Variants in PCDHGC4 observed in about 807,000 individuals in gnomAD.
PCDHGC4 encodes protocadherin gamma subfamily C, 4.
PCDHGC4 carries 15 observed loss-of-function variants against 59.7 expected under a neutral mutation model. The observed-to-expected ratio is 0.25, with a 90% CI of 0.17 to 0.39. The LOEUF is 0.39. Among genes scored for constraint, PCDHGC4 ranks in the 10% least tolerant of loss-of-function variants. The pLI, the probability that PCDHGC4 is intolerant of heterozygous loss-of-function variation, is 1.00. For missense variants in PCDHGC4, 1,016 were observed against 1,189.5 expected, an observed-to-expected ratio of 0.85 and a Z score of 2.15; for synonymous variants, 434 against 481.4, an observed-to-expected ratio of 0.90 and a Z score of 1.29.
intron 3 of PCDHGC4, among the ~76,000 whole-genome samples, chr5:141,505,868 G>T (rs2099848820): frequency 6.6e-6 from 1 of 152,170 alleles, no homozygotes; most frequent in Admixed American, 6.5e-5. Context: ...GGACCCCAAA[G>T]GGTTGTTGTA....
chr5:141,493,141 C>T lies in PCDHGC4; in HGVS notation c.2443-1666C>T, dbSNP rs1327581425. On this transcript the variant is annotated intron_variant, in intron 1 of 3. Coordinates refer to ENST00000306593, the MANE Select transcript of PCDHGC4 (RefSeq NM_018928.3). This position sits in a 1 kb window ranked among gnomAD's most constrained non-coding sequence, Gnocchi z 4.3. ...CTCCTAGGACTGTATTTTGAAACAC[C>T]CCCAGGTGATTTTGATAGCTGATTG... Among the ~76,000 whole-genome samples the T allele has an allele frequency of 1.4e-5, 2 of 146,284 alleles. No homozygotes were observed. Among genetic ancestry groups the T allele is most frequent in the East Asian group, 2.0e-4 (1 of 5,022 alleles).
At chr5:141,496,734 G>A (rs527288196) in intron 2 of PCDHGC4, among the ~76,000 whole-genome samples, 4 of 152,066 alleles carry the variant, frequency 2.6e-5, no homozygotes, top group Non-Finnish European at 4.4e-5. Flanking sequence ...GTATTCATTC[G>A]TTCATTTATT....
In PCDHGC4 at chr5:141,489,948, T is replaced by C; in HGVS notation, c.2442+2333T>C. 2 of 1,614,210 alleles carry C rather than the reference T, an allele frequency of 1.2e-6. No individual in the cohort carries two copies. Among genetic ancestry groups the C allele is most frequent in the Non-Finnish European group, 1.7e-6 (2 of 1,180,030 alleles). On this transcript the variant is annotated intron_variant, in intron 1 of 3. Coordinates refer to ENST00000306593, the MANE Select transcript of PCDHGC4 (RefSeq NM_018928.3). The surrounding 1 kb of genome is among the most constrained non-coding windows in gnomAD (Gnocchi z 4.5). ...TCTCTGTCATCGTGCTGGACATCAA[T>C]GATAATGCTCCAACCTTCCAATCCT...
At position 141,512,523 on chromosome 5, in the gene PCDHGC4, T is replaced by A. The variant is rs1222752176; in HGVS notation, c.*1350T>A. 6.5e-6 allele frequency: 1 copy of A among 152,848 alleles called. No homozygotes were observed. The highest frequency in any genetic ancestry group is 1.5e-5 in the Non-Finnish European group (1 of 68,240). 9.5% of individuals were successfully genotyped at this position (152,848 alleles called of 1,614,324 possible). A position where few individuals can be genotyped will look rare whatever the true frequency, so the allele number is the denominator to read the frequency against. The stretch of plus-strand genomic sequence containing the variant: ...AGTGCGCCCCCTAGTGGCCATAGCC[T>A]GGTTAAAGTTCCCCAGTGCCTCCTT... On this transcript the variant is annotated 3_prime_UTR_variant, in exon 4 of 4. Transcript: ENST00000306593.
Position 141,491,340 on chromosome 5 carries a change from C to T in PCDHGC4, c.2443-3467C>T, listed in dbSNP as rs772328241. The T allele has an allele frequency of 3.7e-6, 6 of 1,614,144 alleles. No individual in the cohort carries two copies. The Admixed American group carries it at 6.7e-5, about 18-fold the overall frequency. ...TTTACCTCATTGTGGCTCTAGCGAC[C>T]GTCAGTCTCTTATCCCTAGTCACCT... On this transcript the variant is annotated intron_variant, in intron 1 of 3. Transcript: ENST00000306593. This position sits in a 1 kb window ranked among gnomAD's most constrained non-coding sequence, Gnocchi z 6.9.
At position 141,491,752 on chromosome 5, in the gene PCDHGC4, G is replaced by C. The variant is rs1464731659; in HGVS notation, c.2443-3055G>C. 6 of 1,586,646 alleles carry C rather than the reference G, an allele frequency of 3.8e-6. No homozygotes were observed. The African/African-American group carries it at 8.1e-5, about 21-fold the overall frequency. On this transcript the variant is annotated intron_variant, in intron 1 of 3. Transcript: ENST00000306593. The surrounding 1 kb of genome is among the most constrained non-coding windows in gnomAD (Gnocchi z 6.9). ...GACCCCTGGGGGCGGCACTGGAGAA[G>C]CCGCCCGTCCTCATAAGGGATTGAA...
intron 3 of PCDHGC4, among the ~76,000 whole-genome samples, chr5:141,510,147 C>T (rs1416633745): frequency 1.3e-5 from 2 of 151,984 alleles, no homozygotes; most frequent in Non-Finnish European, 2.9e-5. Flanking sequence ...GTGGTGTGCA[C>T]CTGTAATCTC....
chr5:141,491,022 C>T lies in PCDHGC4; in HGVS notation c.2442+3407C>T, dbSNP rs1431293281. 6.8e-6 allele frequency: 11 copies of T among 1,614,116 alleles called. No homozygotes were observed. Among genetic ancestry groups the T allele is most frequent in the East Asian group, 2.2e-5 (1 of 44,886 alleles). On this transcript the variant is annotated intron_variant, in intron 1 of 3. Coordinates refer to ENST00000306593, the MANE Select transcript of PCDHGC4 (RefSeq NM_018928.3). The surrounding 1 kb of genome is among the most constrained non-coding windows in gnomAD (Gnocchi z 6.9). ...GCTCCTTGGTCACCAAGGTGACAGCCGTGGATGCTGATGCAGGCCACAATG... is the reference window on the plus strand; with the variant it reads ...GCTCCTTGGTCACCAAGGTGACAGCTGTGGATGCTGATGCAGGCCACAATG...
At position 141,487,937 on chromosome 5, in the gene PCDHGC4, T is replaced by G; in HGVS notation, c.2442+322T>G. 2 of 603,606 alleles carry G rather than the reference T, an allele frequency of 3.3e-6. No homozygotes were observed. The highest frequency in any genetic ancestry group is 2.9e-6 in the Non-Finnish European group (1 of 345,124). 37.4% of individuals were successfully genotyped at this position (603,606 alleles called of 1,614,324 possible). ...GGAGGCTACAGTGCACAGGGTACAG[T>G]GCACCAGGCAGTCACTTGGACAAAG... On this transcript the variant is annotated intron_variant, in intron 1 of 3. Transcript: ENST00000306593. The surrounding 1 kb of genome is among the most constrained non-coding windows in gnomAD (Gnocchi z 5.0).
Position 141,487,321 on chromosome 5 carries a change from T to C in PCDHGC4, c.2148T>C (p.Leu716=). 1.2e-6 allele frequency: 2 copies of C among 1,614,198 alleles called. No individual in the cohort carries two copies. The highest frequency in any genetic ancestry group is 1.7e-6 in the Non-Finnish European group (2 of 1,180,040). Reference sequence around the variant, plus strand: ...TCGTGGCACTACTCTCTAAGTGTCTTCGTGGGGCAGCCTGTGGAGTCACAT... The same window carrying C: ...TCGTGGCACTACTCTCTAAGTGTCTCCGTGGGGCAGCCTGTGGAGTCACAT... The part of the protein sequence containing the change: ...GSFVALLSKC[L]RGAACGVTCF... The change falls in exon 1 of 4, where the codon CTT becomes CTC. Residue 716 remains leucine, a synonymous_variant. Transcript: ENST00000306593. The surrounding 1 kb of genome is among the most constrained non-coding windows in gnomAD (Gnocchi z 5.0).
At position 141,487,934 on chromosome 5, in the gene PCDHGC4, C is replaced by G; in HGVS notation, c.2442+319C>G. 4.9e-6 allele frequency: 3 copies of G among 607,674 alleles called. No individual in the cohort carries two copies. Among genetic ancestry groups the G allele is most frequent in the Non-Finnish European group, 5.8e-6 (2 of 347,576 alleles). The allele number at this position is 607,674 out of a possible 1,614,324, so 37.6% of individuals were successfully genotyped here. A position where few individuals can be genotyped will look rare whatever the true frequency, so the allele number is the denominator to read the frequency against. On this transcript the variant is annotated intron_variant, in intron 1 of 3. Transcript: ENST00000306593. The surrounding 1 kb of genome is among the most constrained non-coding windows in gnomAD (Gnocchi z 5.0). ...ACAGGAGGCTACAGTGCACAGGGTA[C>G]AGTGCACCAGGCAGTCACTTGGACA... is the stretch of plus-strand genomic sequence containing the variant.
At chr5:141,510,315 G>A (rs2099880567) in intron 3 of PCDHGC4, among the ~76,000 whole-genome samples, 1 of 151,324 alleles carries the variant, frequency 6.6e-6, no homozygotes, top group African/African-American at 2.4e-5. Flanking sequence ...TGGAGGCTTG[G>A]AAGAGCACTC....
intron 2 of PCDHGC4, 179 bp downstream of exon 2, chr5:141,495,044 T>C (rs2099758475): frequency 1.1e-6 from 1 of 944,572 alleles, no homozygotes; most frequent in Non-Finnish European, 1.3e-6. Flanking sequence ...AAGAGGCGAC[T>C]GCCCTGACTG....
intron 2 of PCDHGC4, among the ~76,000 whole-genome samples, chr5:141,500,775 T>C (rs1251282826): frequency 6.6e-6 from 1 of 152,218 alleles, no homozygotes; most frequent in Non-Finnish European, 1.5e-5. Context: ...CTTATGAATA[T>C]ACATATTATT....
Position 141,511,176 on chromosome 5 carries a change from T to C in PCDHGC4, c.*3T>C, listed in dbSNP as rs375508988. On this transcript the variant is annotated 3_prime_UTR_variant, in exon 4 of 4. Transcript: ENST00000306593. ...CGGGCAAGAAGGAGAAGAAGTAACA[T>C]GGAGGCCAGGCCAAGAGCCACAGGG... 198 of 1,614,046 alleles carry C rather than the reference T, an allele frequency of 1.2e-4. 1 individual carries two copies. The highest frequency in any genetic ancestry group is 6.5e-5 in the Non-Finnish European group (77 of 1,179,964).
Position 141,491,414 on chromosome 5 carries a change from G to A in PCDHGC4, c.2443-3393G>A. On this transcript the variant is annotated intron_variant, in intron 1 of 3. Coordinates refer to ENST00000306593, the MANE Select transcript of PCDHGC4 (RefSeq NM_018928.3). The surrounding 1 kb of genome is among the most constrained non-coding windows in gnomAD (Gnocchi z 6.9). ...CTTCAGGGAAACGCAGACGGGGACGGGGGTGGAGGGCAGTGCTGCAGGCGC... is the reference window on the plus strand; with the variant it reads ...CTTCAGGGAAACGCAGACGGGGACGAGGGTGGAGGGCAGTGCTGCAGGCGC... 2 of 1,614,126 alleles carry A rather than the reference G, an allele frequency of 1.2e-6. No individual in the cohort carries two copies. Among genetic ancestry groups the A allele is most frequent in the Non-Finnish European group, 1.7e-6 (2 of 1,180,022 alleles).
chr5:141,487,181 C>T lies in PCDHGC4; in HGVS notation c.2008C>T (p.His670Tyr). 3 of 1,612,732 alleles carry T rather than the reference C, an allele frequency of 1.9e-6. No individual in the cohort carries two copies. The highest frequency in any genetic ancestry group is 1.1e-5 in the South Asian group (1 of 91,060). ...CTTAGTGTCCTTAGAGGAAGACACT[C>T]ATCCAGTTGTCCCAGATCTTCGAGA... ...TLLVSLEEDT[H>Y]PVVPDLRESS... The change falls in exon 1 of 4, where the codon CAT becomes TAT. Residue 670 changes from histidine (H) to tyrosine (Y), a missense_variant. Transcript: ENST00000306593. This position sits in a 1 kb window ranked among gnomAD's most constrained non-coding sequence, Gnocchi z 5.0.
intron 2 of PCDHGC4, among the ~76,000 whole-genome samples, chr5:141,501,306 C>T (rs1016823458): frequency 5.3e-5 from 8 of 151,412 alleles, no homozygotes; most frequent in Non-Finnish European, 8.8e-5. Context: ...CACACACACA[C>T]ACACACACAC....
At position 141,508,909 on chromosome 5, in the gene PCDHGC4, G is replaced by A. The variant is rs545345992; in HGVS notation, c.2591-2038G>A. ...GAGGGGAGGGGGCGGGGCGGTGGCG[G>A]ATCTGGCTTCCTTTTGGAGTTAATT... is the stretch of plus-strand genomic sequence containing the variant. On this transcript the variant is annotated intron_variant, in intron 3 of 3. Coordinates refer to ENST00000306593, the MANE Select transcript of PCDHGC4 (RefSeq NM_018928.3). 2.0e-5 allele frequency among the ~76,000 whole-genome samples: 3 copies of A among 152,202 alleles called. No homozygotes were observed. The South Asian group carries it at 6.2e-4, about 32-fold the overall frequency.
Sources: gnomAD v4.1 joint callset for allele counts (sites outside exome capture counted in the v4.1 genomes callset) on GRCh38, gnomAD v4.1.1 for gene constraint, Gnocchi (gnomAD v3.1) non-coding constraint, MANE v1.5 for transcripts, NCBI Gene and HGNC (gene_info 2026-07-23, HGNC 2026-07-21) for gene names.